DMPK: variants seen among roughly 807,000 people sequenced by gnomAD.
DMPK encodes the protein DM1 protein kinase.
Under a neutral mutation model 70.3 loss-of-function variants are expected in DMPK, and 32 were observed. The ratio of observed to expected loss-of-function variants is 0.46; its 90% confidence interval spans 0.34 to 0.61. The LOEUF (loss-of-function observed/expected upper bound fraction) is 0.61, where lower values mean the gene tolerates loss of function less well. Among genes scored for constraint, DMPK ranks in the 20% least tolerant of loss-of-function variants. DMPK has a pLI of 0.01. For missense variants in DMPK, 899 were observed against 886.0 expected, an observed-to-expected ratio of 1.01 and a Z score of -0.19; for synonymous variants, 469 against 390.9, an observed-to-expected ratio of 1.20 and a Z score of -2.36.
intron 13 of DMPK, 141 bp from the exon 14 acceptor site, chr19:45,771,201 G>A (rs1459719539): frequency 4.9e-6 from 6 of 1,226,256 alleles, no homozygotes; most frequent in Non-Finnish European, 6.8e-6. Flanking sequence ...TGAACGGAGG[G>A]AGATCTGGGG....
In DMPK at chr19:45,777,835, C is replaced by T. The variant is rs1330640706; in HGVS notation, c.714G>A (p.Leu238=). The T allele has an allele frequency of 1.2e-6, 2 of 1,611,504 alleles. No individual in the cohort carries two copies. The highest frequency in any genetic ancestry group is 4.5e-5 in the East Asian group (2 of 44,890). ...SLVAVGTPDY[L]SPEILQAVGG... ...CCACAGCCTGCAGGATCTCGGGGGA[C>T]AGGTAGTCTGGGGTGCCCACAGCCA... The change falls in exon 7 of 15, where the codon CTG becomes CTA. Residue 238 remains leucine (L), a synonymous_variant. Coordinates refer to ENST00000291270, the MANE Select transcript of DMPK (RefSeq NM_004409.5). This position sits in a 1 kb window ranked among gnomAD's most constrained non-coding sequence, Gnocchi z 6.7.
Position 45,769,830 on chromosome 19 carries a change from T to A in DMPK, c.*658A>T. On this transcript the variant is annotated 3_prime_UTR_variant, in exon 15 of 15. Coordinates refer to ENST00000291270, the MANE Select transcript of DMPK (RefSeq NM_004409.5). ...GTCTCAGTGCATCCAAAACGTGGAT[T>A]GGGGTTGTTGGGGGTCCTGTAGCCT... 1 of 218,542 alleles carries A rather than the reference T, an allele frequency of 4.6e-6. No homozygotes were observed. Among genetic ancestry groups the A allele is most frequent in the South Asian group, 6.1e-5 (1 of 16,316 alleles). The allele number at this position is 218,542 out of a possible 1,614,324, so 13.5% of individuals were successfully genotyped here.
Position 45,777,081 on chromosome 19 carries a change from C to T in DMPK, c.1146+246G>A. 2.0e-6 allele frequency: 1 copy of T among 499,422 alleles called. No homozygotes were observed. Among genetic ancestry groups the T allele is most frequent in the East Asian group, 3.3e-5 (1 of 29,974 alleles). 30.9% of individuals were successfully genotyped at this position (499,422 alleles called of 1,614,324 possible). A position where few individuals can be genotyped will look rare whatever the true frequency, so the allele number is the denominator to read the frequency against. The stretch of plus-strand genomic sequence containing the variant: ...CCTTGCTGAGTCAGGAGTCCCCCAC[C>T]CCCTGCACTCCATTGTCTCAGCCCT... On this transcript the variant is annotated intron_variant, in intron 8 of 14. Coordinates refer to ENST00000291270, the MANE Select transcript of DMPK (RefSeq NM_004409.5). This position sits in a 1 kb window ranked among gnomAD's most constrained non-coding sequence, Gnocchi z 6.7.
At chr19:45,772,614 C>G in intron 10 of DMPK, 27 bp downstream of exon 10, 1 of 1,474,432 alleles carries the variant, frequency 6.8e-7, no homozygotes, top group South Asian at 1.3e-5. Flanking sequence ...TTGTCCCTGA[C>G]GGACCCCCTC....
chr19:45,780,137 G>A, intron 1 of DMPK: 3 of 1,440,408 alleles, frequency 2.1e-6, no homozygotes, highest in Non-Finnish European at 2.7e-6. Flanking sequence ...AGGATGGTTA[G>A]GGTGGGGTAA....
rs780897613 is a variant in DMPK, at chr19:45,772,712, C to T, written c.1273G>A (p.Ala425Thr). The change falls in exon 10 of 15, where the codon GCC becomes ACC. Residue 425 changes from alanine (A) to threonine (T), a missense_variant. This residue lies in a region of DMPK where 555 missense variants were observed against 483.8 expected (regional missense o/e 1.15). Coordinates refer to ENST00000291270, the MANE Select transcript of DMPK (RefSeq NM_004409.5). ...ACGTGTGGCTCAAGCAGCTGCTCGGCCTCCAGTTCCATGGGTGTGGGGCCT... is the reference window on the plus strand; with the variant it reads ...ACGTGTGGCTCAAGCAGCTGCTCGGTCTCCAGTTCCATGGGTGTGGGGCCT... Reference protein sequence around the residue: ...VPGPTPMELEAEQLLEPHVQA... With the variant: ...VPGPTPMELETEQLLEPHVQA... The T allele has an allele frequency of 5.9e-6, 9 of 1,518,922 alleles. No individual in the cohort carries two copies. The highest frequency in any genetic ancestry group is 2.6e-5 in the Admixed American group (1 of 38,144). The allele number at this position is 1,518,922 out of a possible 1,614,324, so 94.1% of individuals were successfully genotyped here.
chr19:45,772,688 C>T lies in DMPK; in HGVS notation c.1297G>A (p.Val433Met), dbSNP rs767816157. Residue 433 changes from valine to methionine, a missense_variant, in exon 10 of 15, where the codon GTG (valine) becomes ATG (methionine). By Grantham distance (21) the Val-to-Met change is conservative. Around this residue, in one of 3 missense-constraint regions of DMPK, gnomAD observed 555 missense variants for 483.8 expected, o/e 1.15. Transcript: ENST00000291270. ...LEAEQLLEPH[V>M]QAPSLEPSVS... ...GAGGGCTCCAGGCTGGGCGCTTGCA[C>T]GTGTGGCTCAAGCAGCTGCTCGGCC... The T allele has an allele frequency of 3.3e-6, 5 of 1,529,660 alleles. No individual in the cohort carries two copies. Among genetic ancestry groups the T allele is most frequent in the African/African-American group, 1.5e-5 (1 of 68,798 alleles). The allele number at this position is 1,529,660 out of a possible 1,614,324, so 94.8% of individuals were successfully genotyped here. A position where few individuals can be genotyped will look rare whatever the true frequency, so the allele number is the denominator to read the frequency against.
chr19:45,770,791 C>G (rs1969358084), intron 14 of DMPK, 151 bp from the exon 15 acceptor site: 2 of 1,043,368 alleles, frequency 1.9e-6, no homozygotes. Context: ...CACTCGCACG[C>G]CTCGAATCCC....
At position 45,777,468 on chromosome 19, in the gene DMPK, T is replaced by C; in HGVS notation, c.1005A>G (p.Thr335=). 1.2e-6 allele frequency: 2 copies of C among 1,613,424 alleles called. No homozygotes were observed. The highest frequency in any genetic ancestry group is 1.7e-6 in the Non-Finnish European group (2 of 1,180,012). The change falls in exon 8 of 15, where the codon ACA becomes ACG. Residue 335 remains threonine (T), a synonymous_variant. Transcript: ENST00000291270. This position sits in a 1 kb window ranked among gnomAD's most constrained non-coding sequence, Gnocchi z 6.7. ...AGTCGAGGCCAAAGAAGAAGGGATG[T>C]GTCCGGAAGTCGCCTGCTCCACCCC... ...LGRGGAGDFR[T]HPFFFGLDWD... is the part of the protein sequence containing the mutation.
In DMPK at chr19:45,777,239, C is replaced by T; in HGVS notation, c.1146+88G>A. 1 of 1,445,764 alleles carries T rather than the reference C, an allele frequency of 6.9e-7. No individual in the cohort carries two copies. The highest frequency in any genetic ancestry group is 1.5e-5 in the South Asian group (1 of 68,530). The allele number at this position is 1,445,764 out of a possible 1,614,324, so 89.6% of individuals were successfully genotyped here. ...CTCTGGGGAATGAGTGATTCAGGAC[C>T]CCAGAAGGTAGGCACTGTCCTTACT... On this transcript the variant is annotated intron_variant, in intron 8 of 14. Transcript: ENST00000291270. This position sits in a 1 kb window ranked among gnomAD's most constrained non-coding sequence, Gnocchi z 6.7.
rs778302103 is a variant in DMPK at position 45,779,423 on chromosome 19, C to A, written c.336+16G>T. On this transcript the variant is annotated intron_variant, in intron 3 of 14. Coordinates refer to ENST00000291270, the MANE Select transcript of DMPK (RefSeq NM_004409.5). ...CGCGGATCCTCAAAGCCCCCCACGT[C>A]CGCCCAGCCCCTCACCTCGCCCCTC... 9.3e-6 allele frequency: 15 copies of A among 1,613,840 alleles called. No individual in the cohort carries two copies. Among genetic ancestry groups the A allele is most frequent in the Non-Finnish European group, 1.3e-5 (15 of 1,179,998 alleles).
At chr19:45,774,139 A>G (rs746601368) in intron 9 of DMPK, among the ~76,000 whole-genome samples, 17 of 151,302 alleles carry the variant, frequency 1.1e-4, no homozygotes, top group Non-Finnish European at 1.9e-4. Flanking sequence ...TTTAGTAGAG[A>G]TGAGGTTTCT....
Position 45,769,729 on chromosome 19 carries a change from G to A in DMPK, c.*759C>T, listed in dbSNP as rs1969206326. On this transcript the variant is annotated 3_prime_UTR_variant, in exon 15 of 15. Coordinates refer to ENST00000291270, the MANE Select transcript of DMPK (RefSeq NM_004409.5). ...TGGAGTCCAGAGCTTTGGGCAGATG[G>A]AGGGCCTTTTATTCGCGAGGGTCGG... 6.0e-6 allele frequency: 1 copy of A among 167,528 alleles called. No individual in the cohort carries two copies. Among genetic ancestry groups the A allele is most frequent in the Admixed American group, 5.8e-5 (1 of 17,252 alleles). The allele number at this position is 167,528 out of a possible 1,614,324, so 10.4% of individuals were successfully genotyped here.
Position 45,777,436 on chromosome 19 carries a change from C to T in DMPK, c.1037G>A (p.Gly346Asp), listed in dbSNP as rs1363499824. 1.2e-6 allele frequency: 2 copies of T among 1,613,412 alleles called. No homozygotes were observed. Among genetic ancestry groups the T allele is most frequent in the Non-Finnish European group, 8.5e-7 (1 of 1,180,036 alleles). Residue 346 changes from glycine (G) to aspartate (D), a missense_variant, in exon 8 of 15, where the codon GGT becomes GAT. Transcript: ENST00000291270. The surrounding 1 kb of genome is among the most constrained non-coding windows in gnomAD (Gnocchi z 6.7). ...AAAGGGGGGCACGCTGTCCCGGAGA[C>T]CATCCCAGTCGAGGCCAAAGAAGAA... ...HPFFFGLDWD[G>D]LRDSVPPFTP...
chr19:45,779,879 T>C lies in DMPK; in HGVS notation c.161-10A>G, dbSNP rs371923244. 1.2e-6 allele frequency: 2 copies of C among 1,611,352 alleles called. No individual in the cohort carries two copies. The highest frequency in any genetic ancestry group is 4.5e-5 in the East Asian group (2 of 44,824). On this transcript the variant is annotated splice_polypyrimidine_tract_variant and intron_variant, in intron 1 of 14. Transcript: ENST00000291270. ...ACCACGATGGGCTCCGCTGGGGGGG[T>C]GGTGGGGGAAAAGAACCGAGGGTCA...
Position 45,770,437 on chromosome 19 carries a change from C to A in DMPK, c.*51G>T, listed in dbSNP as rs1254902422. 1.3e-6 allele frequency: 2 copies of A among 1,544,700 alleles called. No individual in the cohort carries two copies. Among genetic ancestry groups the A allele is most frequent in the Non-Finnish European group, 1.7e-6 (2 of 1,143,312 alleles). On this transcript the variant is annotated 3_prime_UTR_variant, in exon 15 of 15. Transcript: ENST00000291270. ...TGGGCGCGGCTTCTGTGCCGTGCCC[C>A]GGGCACTCAGTCTTCCAACGGGGCC...
chr19:45,777,689 T>A lies in DMPK; in HGVS notation c.860A>T (p.Tyr287Phe). 1.2e-6 allele frequency: 2 copies of A among 1,614,018 alleles called. No individual in the cohort carries two copies. The highest frequency in any genetic ancestry group is 3.3e-5 in the Admixed American group (2 of 60,028). ...PFYADSTAET[Y>F]GKIVHYKEHL... The stretch of plus-strand genomic sequence containing the variant: ...CACCTTGTAGTGGACGATCTTGCCA[T>A]AGGTCTCCGCCGTGGAATCCGCGTA... Residue 287 changes from tyrosine to phenylalanine, a missense_variant, in exon 7 of 15, where the codon TAT (tyrosine) becomes TTT (phenylalanine). Around this residue, in one of 3 missense-constraint regions of DMPK, gnomAD observed 555 missense variants for 483.8 expected, o/e 1.15. Transcript: ENST00000291270. The surrounding 1 kb of genome is among the most constrained non-coding windows in gnomAD (Gnocchi z 6.7).
intron 1 of DMPK, chr19:45,780,077 G>A: frequency 6.6e-7 from 1 of 1,508,168 alleles, no homozygotes; most frequent in South Asian, 1.3e-5. Context: ...AGATGCCTGA[G>A]AAGCCCTTTG....
chr19:45,775,365 C>T lies in DMPK; in HGVS notation c.1147-331G>A, dbSNP rs556393555. ...TATATTTTTGGTAGAGACGGGGTTT[C>T]GCCACGCTGGCCAGGCTGGTCTCCA... is the stretch of plus-strand genomic sequence containing the variant. On this transcript the variant is annotated intron_variant, in intron 8 of 14. Coordinates refer to ENST00000291270, the MANE Select transcript of DMPK (RefSeq NM_004409.5). 519 of 240,824 alleles carry T rather than the reference C, an allele frequency of 2.2e-3. 5 individuals are homozygous for T. Among genetic ancestry groups the T allele is most frequent in the African/African-American group, 0.011 (476 of 42,884 alleles). The allele number at this position is 240,824 out of a possible 1,614,324, so 14.9% of individuals were successfully genotyped here. A position where few individuals can be genotyped will look rare whatever the true frequency, so the allele number is the denominator to read the frequency against.
Sources: allele counts gnomAD v4.1 joint callset (sites outside exome capture counted in the v4.1 genomes callset), GRCh38; gene constraint gnomAD v4.1.1; regional missense constraint gnomAD v4.1.1; non-coding constraint Gnocchi (gnomAD v3.1); transcripts MANE v1.5; gene names NCBI Gene and HGNC (gene_info 2026-07-23, HGNC 2026-07-21).